FBXL19: variants seen among roughly 807,000 people sequenced by gnomAD.
The protein encoded by FBXL19 is F-box and leucine rich repeat protein 19, also known as F-box/LRR-repeat protein 19.
In FBXL19, 16 loss-of-function variants were observed where a neutral mutation model predicts 71.2. That is an observed-to-expected ratio of 0.22 (90% CI 0.15 to 0.34). The LOEUF (loss-of-function observed/expected upper bound fraction) is 0.34, where lower values mean the gene tolerates loss of function less well. FBXL19 is among the 10% of genes least tolerant of loss of function. FBXL19 has a pLI of 1.00. For synonymous variants in FBXL19, 447 were observed against 409.4 expected, an observed-to-expected ratio of 1.09 and a Z score of -1.11; for missense variants, 658 against 968.2, an observed-to-expected ratio of 0.68 and a Z score of 4.25.
intron 7 of FBXL19, among the ~76,000 whole-genome samples, chr16:30,931,140 C>T (rs2055668871): frequency 6.6e-6 from 1 of 152,092 alleles, no homozygotes; most frequent in Admixed American, 6.5e-5. Flanking sequence ...CCACTAATGC[C>T]CTCTGCCCAT....
chr16:30,938,677 C>T (rs2055764610), intron 7 of FBXL19, among the ~76,000 whole-genome samples: 1 of 152,096 alleles, frequency 6.6e-6, no homozygotes, highest in Admixed American at 6.5e-5. Flanking sequence ...TGCTCTGTCG[C>T]CCAGGCTGGA....
chr16:30,941,045 G>A (rs2055797018), intron 7 of FBXL19, among the ~76,000 whole-genome samples: 1 of 152,132 alleles, frequency 6.6e-6, no homozygotes, highest in South Asian at 2.1e-4. Context: ...CTTAGGACTC[G>A]TTCATCTTTG....
intron 7 of FBXL19, among the ~76,000 whole-genome samples, chr16:30,932,654 T>C (rs560642114): frequency 2.6e-5 from 4 of 152,110 alleles, no homozygotes; most frequent in Non-Finnish European, 2.9e-5. Context: ...AGTGAAGTGA[T>C]TCCTACAAAG....
intron 7 of FBXL19, among the ~76,000 whole-genome samples, chr16:30,939,109 T>C (rs2055770582): frequency 6.6e-6 from 1 of 151,962 alleles, no homozygotes; most frequent in African/African-American, 2.4e-5. Flanking sequence ...TCTCGCTCTG[T>C]CACCCAGGCT....
chr16:30,928,594 C>A lies in FBXL19; in HGVS notation c.755C>A (p.Ser252Tyr). 6.2e-7 allele frequency: 1 copy of A among 1,601,778 alleles called. No homozygotes were observed. The highest frequency in any genetic ancestry group is 8.5e-7 in the Non-Finnish European group (1 of 1,174,478). ...RVLNPSQAFS[S>Y]CHPGLPPENW... ...CTGAATCCGAGCCAGGCTTTCTCAT[C>A]CTGCCACCCTGGGCTCCCTCCCGAG... is the stretch of plus-strand genomic sequence containing the variant. The change falls in exon 6 of 11, where the codon TCC (serine) becomes TAC (tyrosine). Residue 252 changes from serine (S) to tyrosine (Y), a missense_variant. Ser to Tyr is a moderately radical substitution (Grantham distance 144). Around this residue, in one of 8 missense-constraint regions of FBXL19, gnomAD observed 447 missense variants for 515.4 expected, o/e 0.87. Transcript: ENST00000338343.
At chr16:30,936,621 GT>G (rs891735985) in intron 7 of FBXL19, among the ~76,000 whole-genome samples, 16 of 59,578 alleles carry the variant, frequency 2.7e-4, no homozygotes, top group African/African-American at 9.7e-4. Flanking sequence ...TTTTTTTTTT[GT>G]TTTTTAGTAG....
intron 6 of FBXL19, among the ~76,000 whole-genome samples, 171 bp from the exon 7 acceptor site, chr16:30,929,902 G>T (rs969837647): frequency 4.6e-5 from 7 of 152,190 alleles, no homozygotes; most frequent in African/African-American, 1.7e-4. Context: ...GAAAACTGAG[G>T]CCCAGGGCCT....
chr16:30,938,801 TA>T (rs1323606260), intron 7 of FBXL19, among the ~76,000 whole-genome samples: 1 of 151,656 alleles, frequency 6.6e-6, no homozygotes, highest in Non-Finnish European at 1.5e-5. Context: ...CACGCCCGGC[TA>T]ATCTTTTGTA....
In FBXL19 at chr16:30,923,822, G is replaced by A. The variant is rs1567336553; in HGVS notation, c.-662G>A. Among the ~76,000 whole-genome samples, 1 of 150,740 alleles carries A rather than the reference G, an allele frequency of 6.6e-6. No individual in the cohort carries two copies. Among genetic ancestry groups the A allele is most frequent in the Non-Finnish European group, 1.5e-5 (1 of 67,360 alleles). On this transcript the variant is annotated 5_prime_UTR_variant, in exon 1 of 11. Transcript: ENST00000338343. Reference sequence around the variant, plus strand: ...GGAGGGGGAGAGGTCGGGGGTGCGCGCGGGCTGGGGGGGGCGGGGCCGGAG... The same window carrying A: ...GGAGGGGGAGAGGTCGGGGGTGCGCACGGGCTGGGGGGGGCGGGGCCGGAG...
At chr16:30,934,385 C>T (rs1310957188) in intron 7 of FBXL19, among the ~76,000 whole-genome samples, 1 of 150,714 alleles carries the variant, frequency 6.6e-6, no homozygotes, top group Non-Finnish European at 1.5e-5. Context: ...TGGCCGGGCA[C>T]GGTGGCTCAC....
At chr16:30,931,656 C>G (rs911148840) in intron 7 of FBXL19, among the ~76,000 whole-genome samples, 1 of 152,220 alleles carries the variant, frequency 6.6e-6, no homozygotes, top group Non-Finnish European at 1.5e-5. Context: ...CTTCTGGTAT[C>G]TGCAGAGATT....
At chr16:30,941,796 G>A (rs1229425610) in intron 7 of FBXL19, among the ~76,000 whole-genome samples, 2 of 152,228 alleles carry the variant, frequency 1.3e-5, no homozygotes, top group East Asian at 3.8e-4. Context: ...ATGCTGGGAG[G>A]CCCACAGCTG....
At chr16:30,943,612 G>A (rs964060548) in intron 9 of FBXL19, among the ~76,000 whole-genome samples, 2 of 151,956 alleles carry the variant, frequency 1.3e-5, no homozygotes, top group Admixed American at 6.6e-5. Flanking sequence ...CTGACCTCAT[G>A]ATCCGCCTGC....
chr16:30,923,661 G>A lies in FBXL19; in HGVS notation c.-823G>A, dbSNP rs1473747947. On this transcript the variant is annotated 5_prime_UTR_variant, in exon 1 of 11. Coordinates refer to ENST00000338343, the MANE Select transcript of FBXL19 (RefSeq NM_001382779.1). ...AGCAGCGCGGGGCTGGGGGACCAGG[G>A]GGGCTGAGACACCCCAACTGCCCCC... Among the ~76,000 whole-genome samples the A allele has an allele frequency of 2.0e-5, 3 of 151,792 alleles. No individual in the cohort carries two copies. The highest frequency in any genetic ancestry group is 3.9e-4 in the East Asian group (2 of 5,116).
intron 7 of FBXL19, among the ~76,000 whole-genome samples, chr16:30,931,116 C>G (rs1410696331): frequency 6.6e-6 from 1 of 152,148 alleles, no homozygotes; most frequent in East Asian, 1.9e-4. Flanking sequence ...TGCTTTCCTT[C>G]TGCCCTGGAG....
At chr16:30,934,496 A>G (rs926741158) in intron 7 of FBXL19, among the ~76,000 whole-genome samples, 5 of 152,112 alleles carry the variant, frequency 3.3e-5, no homozygotes, top group Admixed American at 2.6e-4. Flanking sequence ...TGTCTCTGCT[A>G]AAAATACAAA....
chr16:30,936,809 C>T lies in FBXL19; in HGVS notation c.1302-5307C>T, dbSNP rs1393197198. Among the ~76,000 whole-genome samples, 10 of 146,658 alleles carry T rather than the reference C, an allele frequency of 6.8e-5. No homozygotes were observed. In the Admixed American group the frequency reaches 7.0e-4, roughly 10 times the overall value. Reference sequence around the variant, plus strand: ...CCAGGCTGGAGTGGAATGCTGTGGTCTCGGCTCACTGCAACCTCTGCCTCC... The same window carrying T: ...CCAGGCTGGAGTGGAATGCTGTGGTTTCGGCTCACTGCAACCTCTGCCTCC... On this transcript the variant is annotated intron_variant, in intron 7 of 10. Coordinates refer to ENST00000338343, the MANE Select transcript of FBXL19 (RefSeq NM_001382779.1).
rs74015052 is a variant in FBXL19, at chr16:30,941,586, G to T, written c.1302-530G>T. 2.8e-3 allele frequency among the ~76,000 whole-genome samples: 419 copies of T among 152,342 alleles called. 1 individual carries two copies. Among genetic ancestry groups the T allele is most frequent in the African/African-American group, 9.5e-3 (396 of 41,578 alleles). ...ATTAGGGCTGTAAGTCCAGCTGCGGGCAGCTGGCTGTCAAGATGGGACAGG... is the reference window on the plus strand; with the variant it reads ...ATTAGGGCTGTAAGTCCAGCTGCGGTCAGCTGGCTGTCAAGATGGGACAGG... On this transcript the variant is annotated intron_variant, in intron 7 of 10. Transcript: ENST00000338343.
intron 7 of FBXL19, among the ~76,000 whole-genome samples, chr16:30,933,853 A>AG (rs2055701861): frequency 6.6e-6 from 1 of 151,188 alleles, no homozygotes; most frequent in Non-Finnish European, 1.5e-5. Flanking sequence ...CCTGGGTTCA[A>AG]TCAGTTCTCC....
Sources: gnomAD v4.1 joint callset for allele counts (sites outside exome capture counted in the v4.1 genomes callset) on GRCh38, gnomAD v4.1.1 for gene constraint, gnomAD v4.1.1 regional missense constraint, MANE v1.5 for transcripts, NCBI Gene and HGNC (gene_info 2026-07-23, HGNC 2026-07-21) for gene names.